The following ANKS1B variants were observed in gnomAD, a reference collection of about 807,000 sequenced individuals.
The protein encoded by ANKS1B is ankyrin repeat and sterile alpha motif domain containing 1B.
Under a neutral mutation model 148.3 loss-of-function variants are expected in ANKS1B, and 36 were observed. The ratio of observed to expected loss-of-function variants is 0.24; its 90% CI spans 0.19 to 0.32. The LOEUF is 0.32. Ranked by LOEUF, ANKS1B falls within the 10% of genes least tolerant of loss-of-function variation. ANKS1B has a pLI of 1.00. For synonymous variants in ANKS1B, 542 were observed against 560.8 expected, an observed-to-expected ratio of 0.97 and a Z score of 0.47; for missense variants, 1,157 against 1,542.6, an observed-to-expected ratio of 0.75 and a Z score of 4.19.
chr12:99,587,857 G>A (rs1344376365), intron 9 of ANKS1B, among the ~76,000 whole-genome samples: 2 of 152,128 alleles, frequency 1.3e-5, no homozygotes, highest in Non-Finnish European at 2.9e-5. Context: ...TAGAATTGGG[G>A]TGAATATCAA....
At chr12:99,626,405 C>T (rs2098113081) in intron 9 of ANKS1B, among the ~76,000 whole-genome samples, 1 of 152,152 alleles carries the variant, frequency 6.6e-6, no homozygotes, top group South Asian at 2.1e-4. Context: ...CCTCCTTGTT[C>T]TTTGCATCAT....
At chr12:99,447,880 G>A (rs1301178630) in intron 10 of ANKS1B, among the ~76,000 whole-genome samples, 1 of 152,044 alleles carries the variant, frequency 6.6e-6, no homozygotes, top group Admixed American at 6.6e-5. Context: ...TCAGAGAAAT[G>A]CAAATCAGAA....
At chr12:99,975,210 T>G (rs1214277307) in intron 1 of ANKS1B, among the ~76,000 whole-genome samples, 1 of 152,140 alleles carries the variant, frequency 6.6e-6, no homozygotes, top group African/African-American at 2.4e-5. Context: ...CCTGGCAAAA[T>G]CCACTCCATT....
At chr12:99,102,979 TG>T (rs1207617689) in intron 15 of ANKS1B, among the ~76,000 whole-genome samples, 1 of 149,428 alleles carries the variant, frequency 6.7e-6, no homozygotes, top group Admixed American at 6.6e-5. Context: ...AAACAATAAT[TG>T]AAAAAAAAAA....
intron 25 of ANKS1B, among the ~76,000 whole-genome samples, chr12:98,763,907 T>C (rs188686940): frequency 1.2e-3 from 181 of 152,130 alleles, no homozygotes; most frequent in African/African-American, 4.4e-3. Context: ...GTATAGGAGG[T>C]TGGGCCTTAC....
At chr12:99,005,808 A>C (rs1163452612) in intron 17 of ANKS1B, among the ~76,000 whole-genome samples, 1 of 152,122 alleles carries the variant, frequency 6.6e-6, no homozygotes, top group African/African-American at 2.4e-5. Context: ...GCACCACTTA[A>C]AGCAGATGTG....
chr12:99,030,386 A>G (rs768340529), intron 17 of ANKS1B, among the ~76,000 whole-genome samples: 32 of 152,166 alleles, frequency 2.1e-4, no homozygotes, highest in Non-Finnish European at 4.3e-4. Flanking sequence ...ATGGGAGTCA[A>G]CAGCCCACTG....
At chr12:99,573,638 T>A (rs144261807) in intron 9 of ANKS1B, among the ~76,000 whole-genome samples, 1 of 152,070 alleles carries the variant, frequency 6.6e-6, no homozygotes, top group Admixed American at 6.6e-5. Context: ...TGATGACTAT[T>A]TCAGACCTTC....
chr12:99,887,616 AT>A (rs1395391949), intron 1 of ANKS1B, among the ~76,000 whole-genome samples: 1 of 152,190 alleles, frequency 6.6e-6, no homozygotes, highest in Non-Finnish European at 1.5e-5. Context: ...TTTGCAGAAG[AT>A]TATTGTATAT....
intron 1 of ANKS1B, among the ~76,000 whole-genome samples, chr12:99,915,761 T>C (rs898716478): frequency 6.6e-6 from 1 of 152,114 alleles, no homozygotes; most frequent in African/African-American, 2.4e-5. Flanking sequence ...ACAAGAGAAA[T>C]TTACCGTCTC....
At chr12:99,517,540 A>G (rs1309385842) in intron 9 of ANKS1B, among the ~76,000 whole-genome samples, 1 of 149,770 alleles carries the variant, frequency 6.7e-6, no homozygotes, top group Non-Finnish European at 1.5e-5. Flanking sequence ...CAATGTGGTG[A>G]AACCCTGTCT....
intron 9 of ANKS1B, among the ~76,000 whole-genome samples, chr12:99,615,481 G>A (rs1020303513): frequency 6.6e-6 from 1 of 152,078 alleles, no homozygotes; most frequent in Non-Finnish European, 1.5e-5. Flanking sequence ...ACAATGTAAT[G>A]TTCTGGTTTG....
At chr12:99,617,392 T>C (rs867727776) in intron 9 of ANKS1B, among the ~76,000 whole-genome samples, 6 of 152,150 alleles carry the variant, frequency 3.9e-5, no homozygotes, top group Non-Finnish European at 8.8e-5. Flanking sequence ...CCAACCCAAA[T>C]GCCCATCAAT....
intron 12 of ANKS1B, among the ~76,000 whole-genome samples, chr12:99,259,595 C>T (rs1291333037): frequency 6.6e-6 from 1 of 152,208 alleles, no homozygotes; most frequent in African/African-American, 2.4e-5. Context: ...ATTTCCCCAC[C>T]GTTTATAGCA....
At chr12:99,200,228 T>C (rs181542902) in intron 14 of ANKS1B, among the ~76,000 whole-genome samples, 207 of 152,348 alleles carry the variant, frequency 1.4e-3, no homozygotes, top group African/African-American at 4.8e-3. Context: ...CATATTACAG[T>C]GGAACTACAT....
intron 9 of ANKS1B, among the ~76,000 whole-genome samples, chr12:99,610,012 G>A (rs1308069288): frequency 6.6e-6 from 1 of 152,108 alleles, no homozygotes; most frequent in Non-Finnish European, 1.5e-5. Flanking sequence ...TGCCTCAGCC[G>A]CTCCACATTG....
chr12:98,958,955 G>A (rs1243012357), intron 17 of ANKS1B, among the ~76,000 whole-genome samples: 2 of 152,084 alleles, frequency 1.3e-5, no homozygotes, highest in Non-Finnish European at 2.9e-5. Context: ...GATTATAAGT[G>A]CCTTGTTTAA....
At chr12:99,673,976 A>T (rs1208351844) in intron 8 of ANKS1B, among the ~76,000 whole-genome samples, 3 of 151,782 alleles carry the variant, frequency 2.0e-5, no homozygotes, top group African/African-American at 7.2e-5. Flanking sequence ...ATAAGCAAAG[A>T]CTTCTAGAAT....
chr12:99,456,286 G>C (rs1445290264), intron 10 of ANKS1B, among the ~76,000 whole-genome samples: 1 of 152,000 alleles, frequency 6.6e-6, no homozygotes, highest in Non-Finnish European at 1.5e-5. Context: ...TTGAGTCCTA[G>C]ATCTTCTCTC....
Sources: gnomAD v4.1 joint callset for allele counts (sites outside exome capture counted in the v4.1 genomes callset) on GRCh38, gnomAD v4.1.1 for gene constraint, MANE v1.5 for transcripts, NCBI Gene and HGNC (gene_info 2026-07-23, HGNC 2026-07-21) for gene names.